Variants in ZSWIM4 observed in about 807,000 individuals in gnomAD.
ZSWIM4 encodes the protein zinc finger SWIM domain-containing protein 4.
In ZSWIM4, 62 loss-of-function variants were observed where a neutral mutation model predicts 102.5. The ratio of observed to expected loss-of-function variants is 0.60; its 90% CI spans 0.49 to 0.75. ZSWIM4 has a LOEUF of 0.75. ZSWIM4 is among the 30% of genes least tolerant of loss of function. The probability of loss-of-function intolerance (pLI) is 0.00; values close to 1 mark genes in which losing one functional copy is unlikely to be tolerated. For synonymous variants in ZSWIM4, 652 were observed against 674.5 expected, an observed-to-expected ratio of 0.97 and a Z score of 0.52; for missense variants, 1,280 against 1,529.6, an observed-to-expected ratio of 0.84 and a Z score of 2.72.
chr19:13,814,781 GC>G lies in ZSWIM4; in HGVS notation c.1450del (p.Leu484CysfsTer19). On this transcript the variant is annotated frameshift_variant, in exon 7 of 14. Coordinates refer to ENST00000590508, the MANE Select transcript of ZSWIM4 (RefSeq NM_001367834.3). LOFTEE classifies it high-confidence loss of function. ...TLRAHGYPRQALRLASAIINT... is the reference protein window; with the variant it reads ...TLRAHGYPRQXLRLASAIINT... Reference sequence around the variant, plus strand: ...GCGTGCCCACGGATACCCCCGCCAGGCCCTGCGGCTGGCAAGTGCCATCATC... The same window carrying G: ...GCGTGCCCACGGATACCCCCGCCAGGCCTGCGGCTGGCAAGTGCCATCATC... The G allele has an allele frequency of 7.0e-6, 9 of 1,285,820 alleles. No individual in the cohort carries two copies. Among genetic ancestry groups the G allele is most frequent in the Non-Finnish European group, 9.1e-6 (9 of 985,848 alleles). 79.7% of individuals were successfully genotyped at this position (1,285,820 alleles called of 1,614,324 possible). A position where few individuals can be genotyped will look rare whatever the true frequency, so the allele number is the denominator to read the frequency against.
At chr19:13,819,303 G>A in intron 9 of ZSWIM4, 54 bp from the exon 10 acceptor site, 3 of 1,604,704 alleles carry the variant, frequency 1.9e-6, no homozygotes, top group South Asian at 1.1e-5. Flanking sequence ...TGAGACCTGG[G>A]GAAGGGCAGA....
chr19:13,821,890 C>T (rs1019914680), intron 10 of ZSWIM4, among the ~76,000 whole-genome samples: 1 of 152,102 alleles, frequency 6.6e-6, no homozygotes, highest in African/African-American at 2.4e-5. Context: ...TCACCCACCA[C>T]CACGCCTGGT....
Position 13,819,629 on chromosome 19 carries a change from A to G in ZSWIM4, c.2060+137A>G, listed in dbSNP as rs950049372. 3.1e-5 allele frequency: 24 copies of G among 766,252 alleles called. 1 individual carries two copies. In the African/African-American group the frequency reaches 3.7e-4, roughly 12 times the overall value. 47.5% of individuals were successfully genotyped at this position (766,252 alleles called of 1,614,324 possible). A position where few individuals can be genotyped will look rare whatever the true frequency, so the allele number is the denominator to read the frequency against. On this transcript the variant is annotated intron_variant, in intron 10 of 13. Coordinates refer to ENST00000590508, the MANE Select transcript of ZSWIM4 (RefSeq NM_001367834.3). ...TCAGTCTCTCTCACCCTGGCATTTGATGATGCCATGTGCTTTTCATTATTA... is the reference window on the plus strand; with the variant it reads ...TCAGTCTCTCTCACCCTGGCATTTGGTGATGCCATGTGCTTTTCATTATTA...
rs776745308 is a variant in ZSWIM4 at position 13,805,129 on chromosome 19, C to G, written c.693C>G (p.Ser231=). ...CTGATGAGATCCTCCTGCTGGGCTC[C>G]GAGATCAACTTGGTGAATGGTAAGG... ...RLADEILLLG[S]EINLVNGAPD... is the part of the protein sequence containing the mutation. Residue 231 remains serine, a synonymous_variant, in exon 3 of 14, where the codon TCC becomes TCG. Transcript: ENST00000590508. The G allele has an allele frequency of 6.3e-7, 1 of 1,597,878 alleles. No homozygotes were observed. The highest frequency in any genetic ancestry group is 1.3e-5 in the African/African-American group (1 of 74,854).
intron 6 of ZSWIM4, among the ~76,000 whole-genome samples, chr19:13,813,368 C>G (rs1190146991): frequency 1.3e-5 from 2 of 152,150 alleles, no homozygotes; most frequent in Admixed American, 1.3e-4. Flanking sequence ...CAATGGCAGC[C>G]CAAGTGGGCA....
Position 13,795,654 on chromosome 19 carries a change from A to AC in ZSWIM4, c.12dup (p.Ala5ArgfsTer57), listed in dbSNP as rs2080769467. 3 of 734,578 alleles carry AC rather than the reference A, an allele frequency of 4.1e-6. No individual in the cohort carries two copies. The highest frequency in any genetic ancestry group is 1.9e-5 in the African/African-American group (1 of 53,024). 45.5% of individuals were successfully genotyped at this position (734,578 alleles called of 1,614,324 possible). A position where few individuals can be genotyped will look rare whatever the true frequency, so the allele number is the denominator to read the frequency against. On this transcript the variant is annotated frameshift_variant, in exon 1 of 14. Coordinates refer to ENST00000590508, the MANE Select transcript of ZSWIM4 (RefSeq NM_001367834.3). LOFTEE classifies it high-confidence loss of function. ...CCTGGCCCCGGCCGGGCCGGATGGA[A>AC]CCCCCCGCGGCCAAGCGGAGCCGGG...
At chr19:13,799,624 C>G (rs1169288553) in intron 1 of ZSWIM4, 96 bp from the exon 2 acceptor site, 1 of 1,256,758 alleles carries the variant, frequency 8.0e-7, no homozygotes, top group Non-Finnish European at 1.2e-6. Context: ...AGGCTGGTCT[C>G]GAACTCTTGG....
intron 13 of ZSWIM4, among the ~76,000 whole-genome samples, chr19:13,829,017 T>C (rs534081538): frequency 1.3e-5 from 2 of 151,802 alleles, no homozygotes; most frequent in African/African-American, 4.8e-5. Flanking sequence ...GGAGGATAGA[T>C]TGCTTGAGCC....
intron 2 of ZSWIM4, among the ~76,000 whole-genome samples, chr19:13,803,795 ACT>A (rs1269972904): frequency 1.8e-5 from 2 of 109,890 alleles, no homozygotes; most frequent in African/African-American, 9.1e-5. Context: ...ACAGAGCAAG[ACT>A]CTGTCTCAGA....
In ZSWIM4 at chr19:13,830,833, C is replaced by T. The variant is rs1456687087; in HGVS notation, c.3104C>T (p.Ala1035Val). The change falls in exon 14 of 14, where the codon GCG (alanine) becomes GTG (valine). Residue 1035 changes from alanine to valine, a missense_variant. Physicochemically the swap from Ala to Val is moderately conservative, Grantham distance 64. Transcript: ENST00000590508. Reference protein sequence around the residue: ...DRAPLCQLLDAAVTAYITTSH... With the variant: ...DRAPLCQLLDVAVTAYITTSH... ...GCGCCGCTCTGCCAGCTCCTGGACG[C>T]GGCAGTCACCGCCTACATCACCACC... 1.2e-6 allele frequency: 2 copies of T among 1,609,608 alleles called. No homozygotes were observed. The highest frequency in any genetic ancestry group is 8.5e-7 in the Non-Finnish European group (1 of 1,177,232).
At chr19:13,818,632 C>T (rs368402446) in intron 9 of ZSWIM4, among the ~76,000 whole-genome samples, 21 of 152,190 alleles carry the variant, frequency 1.4e-4, no homozygotes, top group African/African-American at 5.1e-4. Context: ...GGCGCGATCT[C>T]GGCTCACTGC....
At chr19:13,798,622 C>T (rs1974672700) in intron 1 of ZSWIM4, among the ~76,000 whole-genome samples, 1 of 152,146 alleles carries the variant, frequency 6.6e-6, no homozygotes, top group African/African-American at 2.4e-5. Flanking sequence ...GTTCTTTAAG[C>T]TCTTTACATC....
chr19:13,807,052 C>A (rs12609965), intron 3 of ZSWIM4, among the ~76,000 whole-genome samples: 44,420 of 151,622 alleles, frequency 0.29, 6,838 homozygotes, highest in African/African-American at 0.4. Flanking sequence ...ATAGTTATCA[C>A]CTAGATAACT....
chr19:13,796,571 A>AG (rs918751156), intron 1 of ZSWIM4: 1 of 152,538 alleles, frequency 6.6e-6, no homozygotes, highest in African/African-American at 2.4e-5. Context: ...CTGAAATGCC[A>AG]GGGTCCCTCC....
chr19:13,804,337 G>A (rs999631766), intron 2 of ZSWIM4, among the ~76,000 whole-genome samples: 3 of 151,752 alleles, frequency 2.0e-5, no homozygotes, highest in Non-Finnish European at 4.4e-5. Context: ...GGGCATGGTG[G>A]CGCATGCCTG....
chr19:13,818,012 G>A (rs1347929048), intron 9 of ZSWIM4, 36 bp downstream of exon 9: 2 of 1,463,794 alleles, frequency 1.4e-6, no homozygotes, highest in Admixed American at 2.4e-5. Context: ...TGTTGCTGAA[G>A]GGTAGGGTCC....
chr19:13,800,221 C>A (rs1218849778), intron 2 of ZSWIM4, among the ~76,000 whole-genome samples: 11 of 129,890 alleles, frequency 8.5e-5, no homozygotes, highest in African/African-American at 1.5e-4. Flanking sequence ...CCCGCCACCG[C>A]GCCCAGCTAA....
rs761355930 is a variant in ZSWIM4 at position 13,830,558 on chromosome 19, G to A, written c.2829G>A (p.Thr943=). 1.3e-5 allele frequency: 21 copies of A among 1,599,550 alleles called. No homozygotes were observed. The Middle Eastern group carries it at 5.0e-4, about 38-fold the overall frequency. ...GLPLRAYKLA[T]LALAQLSIAF... is the part of the protein sequence containing the mutation. ...CGCTCCGGGCCTACAAGCTGGCGAC[G>A]CTGGCCCTGGCGCAGCTCAGCATCG... Residue 943 remains threonine (T), a synonymous_variant, in exon 14 of 14, where the codon ACG becomes ACA. Transcript: ENST00000590508.
chr19:13,802,558 C>T (rs998826875), intron 2 of ZSWIM4, among the ~76,000 whole-genome samples: 5 of 149,800 alleles, frequency 3.3e-5, no homozygotes, highest in Non-Finnish European at 1.5e-5. Context: ...CCAGCCTGGG[C>T]AAGAGAGAGA....
Sources: allele counts gnomAD v4.1 joint callset (sites outside exome capture counted in the v4.1 genomes callset), GRCh38; gene constraint gnomAD v4.1.1; transcripts MANE v1.5; gene names NCBI Gene and HGNC (gene_info 2026-07-23, HGNC 2026-07-21).